Variants in ATP13A2 observed in about 807,000 individuals in gnomAD.
The protein encoded by ATP13A2 is ATPase cation transporting 13A2.
In ATP13A2, 83 loss-of-function variants were observed where a neutral mutation model predicts 138.3. The ratio of observed to expected loss-of-function variants is 0.60; its 90% CI spans 0.50 to 0.72. The LOEUF is 0.72. ATP13A2 is among the 30% of genes least tolerant of loss of function. The pLI is 0.00. For synonymous variants in ATP13A2, 663 were observed against 699.0 expected (o/e 0.95, Z 0.81); for missense variants, 1,402 against 1,606.4 (o/e 0.87, Z 2.17).
At chr1:16,992,463 C>T (rs754237802) in intron 17 of ATP13A2, 23 bp downstream of exon 17, 6 of 1,613,752 alleles carry the variant, frequency 3.7e-6, no homozygotes, top group Non-Finnish European at 5.1e-6. Context: ...TGCCCTGCAC[C>T]CAACAGGCCC....
At chr1:16,999,595 T>C (rs2077271523) in intron 11 of ATP13A2, among the ~76,000 whole-genome samples, 1 of 151,906 alleles carries the variant, frequency 6.6e-6, no homozygotes, top group African/African-American at 2.4e-5. Flanking sequence ...AAGCTGGGAT[T>C]GTTGCTTGAG....
chr1:16,991,037 C>T (rs1045793901), intron 20 of ATP13A2, among the ~76,000 whole-genome samples: 1 of 151,864 alleles, frequency 6.6e-6, no homozygotes, highest in Non-Finnish European at 1.5e-5. Flanking sequence ...GCAACCTCCA[C>T]CTCCCGGGTT....
chr1:17,001,760 T>C (rs929571424), intron 8 of ATP13A2, among the ~76,000 whole-genome samples: 2 of 152,158 alleles, frequency 1.3e-5, no homozygotes, highest in African/African-American at 4.8e-5. Context: ...GGGGACCCCA[T>C]AGATGCTCAG....
At chr1:17,009,435 C>T (rs922193636) in intron 1 of ATP13A2, among the ~76,000 whole-genome samples, 1 of 141,416 alleles carries the variant, frequency 7.1e-6, no homozygotes, top group Non-Finnish European at 1.5e-5. Context: ...CTCACTCTGT[C>T]ACCCAGGCTG....
intron 3 of ATP13A2, 113 bp downstream of exon 3, chr1:17,005,261 C>T: frequency 6.7e-7 from 1 of 1,495,242 alleles, no homozygotes; most frequent in Non-Finnish European, 9.1e-7. Flanking sequence ...AAGAGCGGGA[C>T]CTGCCTAATG....
rs756097852 is a variant in ATP13A2, at chr1:16,993,601, A to AG, written c.1749+27dup. 2.3e-5 allele frequency: 36 copies of AG among 1,558,474 alleles called. No individual in the cohort carries two copies. In the South Asian group the frequency reaches 4.2e-4, roughly 18 times the overall value. ...TCGTTAGGCCCCACTGCCCAGAGGC[A>AG]GGGGGCTGACCTGCTTGGCCTCCTC... On this transcript the variant is annotated intron_variant, in intron 16 of 28. Transcript: ENST00000326735.
rs1197244347 is a variant in ATP13A2 at position 16,995,137 on chromosome 1, T to C, written c.1542+839A>G. 6.6e-6 allele frequency among the ~76,000 whole-genome samples: 1 copy of C among 152,142 alleles called. No homozygotes were observed. Among genetic ancestry groups the C allele is most frequent in the Non-Finnish European group, 1.5e-5 (1 of 68,024 alleles). ...GTGCCCCAGGCACACGGTACATCTG[T>C]GCTATGACACTCCCACCTTTTACCC... On this transcript the variant is annotated intron_variant, in intron 15 of 28. Transcript: ENST00000326735. The surrounding 1 kb of genome is among the most constrained non-coding windows in gnomAD (Gnocchi z 4.1).
In ATP13A2 at chr1:16,988,447, G is replaced by A. The variant is rs9435662; in HGVS notation, c.2637C>T (p.Gly879=). ...LQYCVGMCGD[G]ANDCGALKAA... ...CCTTCAGGGCCCCACAGTCATTGGC[G>A]CCGTCTCCGCACATGCCCACGCAGT... The change falls in exon 24 of 29, where the codon GGC becomes GGT. Residue 879 remains glycine (G), a synonymous_variant. Coordinates refer to ENST00000326735, the MANE Select transcript of ATP13A2 (RefSeq NM_022089.4). 0.49 allele frequency: 797,661 copies of A among 1,613,584 alleles called. 203,257 individuals are homozygous for A. The highest frequency in any genetic ancestry group is 0.53 in the Non-Finnish European group (621,395 of 1,179,924).
intron 1 of ATP13A2, among the ~76,000 whole-genome samples, chr1:17,007,126 G>C (rs1046874092): frequency 6.6e-5 from 10 of 152,258 alleles, no homozygotes; most frequent in Admixed American, 1.3e-4. Flanking sequence ...TGATCCACCC[G>C]CCTTGCCTCC....
intron 11 of ATP13A2, among the ~76,000 whole-genome samples, chr1:16,999,770 A>G (rs561637297): frequency 3.9e-5 from 6 of 152,180 alleles, no homozygotes; most frequent in South Asian, 2.1e-4. Context: ...GCGTGATGGT[A>G]TGCACCTGTG....
chr1:17,010,786 G>A (rs1383088548), intron 1 of ATP13A2, among the ~76,000 whole-genome samples: 1 of 152,178 alleles, frequency 6.6e-6, no homozygotes, highest in Admixed American at 6.5e-5. Flanking sequence ...GATCAGAGGG[G>A]CTAGAGCCAT....
intron 25 of ATP13A2, among the ~76,000 whole-genome samples, chr1:16,987,665 C>G (rs111901708): frequency 1.3e-5 from 2 of 152,322 alleles, no homozygotes; most frequent in East Asian, 1.9e-4. Flanking sequence ...ATAAGATGTG[C>G]GCCGCCCTGC....
In ATP13A2 at chr1:16,988,160, A is replaced by G; in HGVS notation, c.2837T>C (p.Ile946Thr). Residue 946 changes from isoleucine (I) to threonine (T), a missense_variant, in exon 25 of 29, where the codon ATC (isoleucine) becomes ACC (threonine). Ile to Thr is a moderately conservative substitution (Grantham distance 89). Coordinates refer to ENST00000326735, the MANE Select transcript of ATP13A2 (RefSeq NM_022089.4). ...YMALYSLTQF[I>T]SVLILYTINT... ...CACCGTGTAGAGGATCAGGACGGAG[A>G]TGAACTGGGTCAGGCTGTACAGAGC... is the stretch of plus-strand genomic sequence containing the variant. 2 of 1,614,048 alleles carry G rather than the reference A, an allele frequency of 1.2e-6. No homozygotes were observed. The highest frequency in any genetic ancestry group is 1.7e-5 in the Admixed American group (1 of 60,014).
chr1:16,992,184 T>C, intron 18 of ATP13A2, 55 bp from the exon 19 acceptor site: 2 of 1,610,682 alleles, frequency 1.2e-6, no homozygotes, highest in Non-Finnish European at 1.7e-6. Context: ...AGAGGCTGGG[T>C]ACCCACCCCA....
chr1:16,988,565 ATGCCACATGG>A, intron 23 of ATP13A2, 91 bp from the exon 24 acceptor site: 1 of 1,538,532 alleles, frequency 6.5e-7, no homozygotes, highest in Non-Finnish European at 9.0e-7. Flanking sequence ...TGGGCCCCTA[ATGCCACATGG>A]TGCCTGGTGT....
chr1:17,005,186 C>T, intron 3 of ATP13A2, 114 bp from the exon 4 acceptor site: 1 of 1,494,312 alleles, frequency 6.7e-7, no homozygotes, highest in Non-Finnish European at 9.3e-7. Flanking sequence ...TATGGAGAGC[C>T]CTCCAGAAAC....
intron 1 of ATP13A2, among the ~76,000 whole-genome samples, chr1:17,006,009 C>A (rs1160065094): frequency 6.6e-6 from 1 of 152,054 alleles, no homozygotes; most frequent in Non-Finnish European, 1.5e-5. Flanking sequence ...GCAGCGCGTG[C>A]CTGTAATCTC....
At position 17,000,528 on chromosome 1, in the gene ATP13A2, T is replaced by C. The variant is rs2101009870; in HGVS notation, c.712A>G (p.Asn238Asp). ...AAGGCCTGGAACCCATAGTAGGGGT[T>C]CAGTGCCTGGGGGAGGGGCGGGAGG... Reference protein sequence around the residue: ...YPQLLVDEALNPYYGFQAFSI... With the variant: ...YPQLLVDEALDPYYGFQAFSI... Residue 238 changes from asparagine (N) to aspartate (D), a missense_variant, in exon 9 of 29, where the codon AAC (asparagine) becomes GAC (aspartate). Coordinates refer to ENST00000326735, the MANE Select transcript of ATP13A2 (RefSeq NM_022089.4). 1 of 1,613,796 alleles carries C rather than the reference T, an allele frequency of 6.2e-7. No individual in the cohort carries two copies. The highest frequency in any genetic ancestry group is 2.2e-5 in the East Asian group (1 of 44,850).
intron 12 of ATP13A2, chr1:16,996,732 GAC>G: frequency 1.6e-6 from 1 of 617,772 alleles, no homozygotes; most frequent in Non-Finnish European, 2.9e-6. Flanking sequence ...TGAAAATCCA[GAC>G]ACAGGGAAGG....
Sources: gnomAD v4.1 joint callset for allele counts (sites outside exome capture counted in the v4.1 genomes callset) on GRCh38, gnomAD v4.1.1 for gene constraint, Gnocchi (gnomAD v3.1) non-coding constraint, MANE v1.5 for transcripts, NCBI Gene and HGNC (gene_info 2026-07-23, HGNC 2026-07-21) for gene names.